VSNL1: variants seen among roughly 807,000 people sequenced by gnomAD.
VSNL1 encodes visinin like 1, also known as visinin-like protein 1.
A neutral mutation model predicts 20.4 loss-of-function variants in VSNL1; 6 were observed. The observed-to-expected ratio is 0.29, with a 90% CI of 0.16 to 0.58. The LOEUF (loss-of-function observed/expected upper bound fraction) is 0.58. VSNL1 is among the 20% of genes least tolerant of loss of function. The pLI, the probability that VSNL1 is intolerant of heterozygous loss-of-function variation, is 0.90. For missense variants in VSNL1, 100 were observed against 234.5 expected (o/e 0.43, Z 3.75); for synonymous variants, 93 against 86.4 (o/e 1.08, Z -0.42).
chr2:17,596,227 G>A (rs779306023), intron 2 of VSNL1, among the ~76,000 whole-genome samples: 18 of 152,150 alleles, frequency 1.2e-4, no homozygotes, highest in African/African-American at 4.1e-4. Context: ...TGGACACGTA[G>A]GGATTTCTGT....
intron 2 of VSNL1, among the ~76,000 whole-genome samples, chr2:17,638,672 C>T (rs1281224365): frequency 6.6e-6 from 1 of 152,216 alleles, no homozygotes; most frequent in Non-Finnish European, 1.5e-5. Context: ...GCCTGCTCTT[C>T]ATTCTCAGTA....
At chr2:17,650,065 A>G (rs1206783625) in intron 3 of VSNL1, among the ~76,000 whole-genome samples, 2 of 152,162 alleles carry the variant, frequency 1.3e-5, no homozygotes, top group African/African-American at 4.8e-5. Flanking sequence ...TGAGTAACCC[A>G]GGATTCCTCT....
chr2:17,650,014 C>A (rs931938777), intron 3 of VSNL1, among the ~76,000 whole-genome samples: 1 of 152,230 alleles, frequency 6.6e-6, no homozygotes, highest in African/African-American at 2.4e-5. Flanking sequence ...CTTCCAGGTT[C>A]TGGTCATTCC....
rs143673238 is a variant in VSNL1 at position 17,621,468 on chromosome 2, G to A, written c.163-27942G>A. Among the ~76,000 whole-genome samples, 138 of 151,876 alleles carry A rather than the reference G, an allele frequency of 9.1e-4. 2 individuals are homozygous for A. The highest frequency in any genetic ancestry group is 3.9e-3 in the Admixed American group (59 of 15,256). On this transcript the variant is annotated intron_variant, in intron 2 of 3. Coordinates refer to ENST00000295156, the MANE Select transcript of VSNL1 (RefSeq NM_003385.5). ...CTCCCGAGTAGCTGGGTCTACAGGC[G>A]CACAACACCACACCCAGATAATTTT...
chr2:17,603,122 G>A (rs895817871), intron 2 of VSNL1, among the ~76,000 whole-genome samples: 1 of 152,234 alleles, frequency 6.6e-6, no homozygotes, highest in African/African-American at 2.4e-5. Flanking sequence ...TAGCTGCAAG[G>A]ATGTCATTCC....
intron 2 of VSNL1, among the ~76,000 whole-genome samples, chr2:17,600,204 T>C (rs541054475): frequency 6.6e-6 from 1 of 152,348 alleles, no homozygotes; most frequent in South Asian, 2.1e-4. Flanking sequence ...TCCTTTATGC[T>C]TAAGGTTTGT....
At chr2:17,548,381 CT>C (rs1558278070) in intron 1 of VSNL1, among the ~76,000 whole-genome samples, 1 of 152,132 alleles carries the variant, frequency 6.6e-6, no homozygotes, top group East Asian at 1.9e-4. Flanking sequence ...ATCTTTTTCT[CT>C]TTTTGAAGTC....
chr2:17,636,722 AT>A (rs60673857), intron 2 of VSNL1, among the ~76,000 whole-genome samples: 2,272 of 151,390 alleles, frequency 0.015, 66 homozygotes, highest in Admixed American at 0.065. Flanking sequence ...ATTAAAAACT[AT>A]TTTTTTTTTT....
chr2:17,632,781 G>A (rs1400468511), intron 2 of VSNL1, among the ~76,000 whole-genome samples: 1 of 152,174 alleles, frequency 6.6e-6, no homozygotes, highest in Non-Finnish European at 1.5e-5. Flanking sequence ...GTTATACATT[G>A]AATAAATCAC....
At chr2:17,580,753 C>T (rs1013455417) in intron 1 of VSNL1, among the ~76,000 whole-genome samples, 1 of 152,126 alleles carries the variant, frequency 6.6e-6, no homozygotes, top group East Asian at 1.9e-4. Flanking sequence ...GGAAAGAAAA[C>T]GAAACTCAGA....
intron 2 of VSNL1, among the ~76,000 whole-genome samples, chr2:17,619,795 G>C (rs1665311400): frequency 6.6e-6 from 1 of 151,864 alleles, no homozygotes; most frequent in Non-Finnish European, 1.5e-5. Context: ...AAGATTTATT[G>C]GGCATATACT....
chr2:17,566,853 C>T (rs893327692), intron 1 of VSNL1, among the ~76,000 whole-genome samples: 36 of 152,114 alleles, frequency 2.4e-4, no homozygotes, highest in African/African-American at 8.0e-4. Context: ...ATTCAGTTAT[C>T]CTAACACAGT....
intron 1 of VSNL1, among the ~76,000 whole-genome samples, chr2:17,549,360 AG>A (rs1360246559): frequency 6.6e-6 from 1 of 152,238 alleles, no homozygotes; most frequent in African/African-American, 2.4e-5. Flanking sequence ...GGGCTGAGGT[AG>A]AGATGCACAT....
intron 1 of VSNL1, among the ~76,000 whole-genome samples, chr2:17,553,823 G>A (rs551255687): frequency 3.9e-4 from 60 of 152,228 alleles, no homozygotes; most frequent in African/African-American, 1.3e-3. Flanking sequence ...AATGCTTAGC[G>A]GAACCCTCTC....
chr2:17,624,363 G>A (rs534789118), intron 2 of VSNL1, among the ~76,000 whole-genome samples: 16 of 152,232 alleles, frequency 1.1e-4, no homozygotes, highest in African/African-American at 3.9e-4. Flanking sequence ...AAATGTAATA[G>A]GCAGAAAAAT....
At chr2:17,628,429 T>C (rs1234782790) in intron 2 of VSNL1, among the ~76,000 whole-genome samples, 1 of 151,818 alleles carries the variant, frequency 6.6e-6, no homozygotes, top group African/African-American at 2.4e-5. Context: ...AGCTGAGGAG[T>C]CTACACTGTT....
chr2:17,573,264 A>G (rs1459622681), intron 1 of VSNL1, among the ~76,000 whole-genome samples: 1 of 152,212 alleles, frequency 6.6e-6, no homozygotes, highest in Non-Finnish European at 1.5e-5. Context: ...CTGAAGAGAA[A>G]GGCATAAACA....
intron 1 of VSNL1, among the ~76,000 whole-genome samples, chr2:17,581,283 G>A (rs1184411444): frequency 6.6e-6 from 1 of 151,590 alleles, no homozygotes; most frequent in East Asian, 1.9e-4. Flanking sequence ...CCATTATATT[G>A]TATTTAATAT....
intron 2 of VSNL1, among the ~76,000 whole-genome samples, chr2:17,626,077 G>A (rs989156189): frequency 2.6e-5 from 4 of 151,960 alleles, no homozygotes; most frequent in Non-Finnish European, 4.4e-5. Context: ...CCTCAGCTTC[G>A]CAAAAGACTG....
Sources: gnomAD v4.1 joint callset for allele counts (sites outside exome capture counted in the v4.1 genomes callset) on GRCh38, gnomAD v4.1.1 for gene constraint, MANE v1.5 for transcripts, NCBI Gene and HGNC (gene_info 2026-07-23, HGNC 2026-07-21) for gene names.